IL1RAPL1: variants seen among roughly 807,000 people sequenced by gnomAD.
The protein encoded by IL1RAPL1 is interleukin 1 receptor accessory protein like 1.
A neutral mutation model predicts 48.4 loss-of-function variants in IL1RAPL1; 3 were observed. That is an observed-to-expected ratio of 0.06 (90% CI 0.03 to 0.16). IL1RAPL1 has a LOEUF of 0.16. IL1RAPL1 is among the 10% of genes least tolerant of loss of function. The pLI is 1.00. For synonymous variants in IL1RAPL1, 185 were observed against 187.7 expected (o/e 0.99, Z 0.12); for missense variants, 349 against 530.6 (o/e 0.66, Z 3.36).
At chrX:29,531,948 T>A (rs1921053886) in intron 5 of IL1RAPL1, among the ~76,000 whole-genome samples, 1 of 112,512 alleles carries the variant, frequency 8.9e-6, no homozygotes, top group Non-Finnish European at 1.9e-5. Flanking sequence ...TTTAACCTAA[T>A]GGACTATATT....
intron 2 of IL1RAPL1, among the ~76,000 whole-genome samples, chrX:29,048,984 G>A (rs1357934945): frequency 8.9e-6 from 1 of 112,425 alleles, no homozygotes; most frequent in African/African-American, 3.2e-5. Context: ...TAAGTATGGA[G>A]TGCATTCTCA....
rs1569285528 is a variant in IL1RAPL1, at chrX:29,323,709, TTTTTTATATATATATATA to T, written c.362+40494_362+40511del. The stretch of plus-strand genomic sequence containing the variant: ...GCACTACCTACCAACTCATACTGAA[TTTTTTATATATATATATA>T]TATATATATATATATATATATATAT... On this transcript the variant is annotated intron_variant, in intron 3 of 10. Transcript: ENST00000378993. Among the ~76,000 whole-genome samples the T allele has an allele frequency of 2.2e-3, 38 of 17,606 alleles. 11 individuals are homozygous for T. Among genetic ancestry groups the T allele is most frequent in the Non-Finnish European group, 2.8e-3 (29 of 10,375 alleles). 15.3% of individuals were successfully genotyped at this position (17,606 alleles called of 115,157 possible).
intron 2 of IL1RAPL1, among the ~76,000 whole-genome samples, chrX:28,870,366 G>C (rs374300232): frequency 1.2e-4 from 13 of 111,201 alleles, no homozygotes; most frequent in African/African-American, 3.9e-4. Flanking sequence ...TTTTTTAACT[G>C]TAGGCTTTAC....
At chrX:28,889,713 C>T (rs1408530253) in intron 2 of IL1RAPL1, among the ~76,000 whole-genome samples, 1 of 111,290 alleles carries the variant, frequency 9.0e-6, no homozygotes, top group East Asian at 2.8e-4. Flanking sequence ...TTTCTCCTAC[C>T]TTCCGTAATA....
intron 1 of IL1RAPL1, among the ~76,000 whole-genome samples, chrX:28,785,962 C>G (rs1259924475): frequency 4.5e-5 from 5 of 111,035 alleles, no homozygotes; most frequent in Non-Finnish European, 9.4e-5. Context: ...GCAACCATAT[C>G]CAGTCTTTCA....
At chrX:28,835,938 A>G (rs1482954) in intron 2 of IL1RAPL1, among the ~76,000 whole-genome samples, 13,775 of 110,661 alleles carry the variant, frequency 0.12, 1,471 homozygotes, top group African/African-American at 0.34. Flanking sequence ...GAATTTCCAT[A>G]ATATTTATTA....
In IL1RAPL1 at chrX:29,803,336, CAT is replaced by C. The variant is rs1282099570; in HGVS notation, c.779-114125_779-114124del. ...ATGTATATATGTATACATGTATACA[CAT>C]ATGTATATATGTATACATGTATACA... is the stretch of plus-strand genomic sequence containing the variant. On this transcript the variant is annotated intron_variant, in intron 6 of 10. Transcript: ENST00000378993. 3.7e-3 allele frequency among the ~76,000 whole-genome samples: 218 copies of C among 58,495 alleles called. 5 individuals are homozygous for C. The highest frequency in any genetic ancestry group is 0.011 in the South Asian group (13 of 1,199). 50.8% of individuals were successfully genotyped at this position (58,495 alleles called of 115,157 possible). A position where few individuals can be genotyped will look rare whatever the true frequency, so the allele number is the denominator to read the frequency against.
intron 6 of IL1RAPL1, among the ~76,000 whole-genome samples, chrX:29,806,563 G>A (rs1930260774): frequency 9.1e-6 from 1 of 109,297 alleles, no homozygotes; most frequent in South Asian, 4.0e-4. Context: ...TATTGTCATG[G>A]GTCAATCATA....
chrX:29,155,617 G>A (rs1159077914), intron 2 of IL1RAPL1, among the ~76,000 whole-genome samples: 4 of 111,584 alleles, frequency 3.6e-5, no homozygotes, highest in African/African-American at 9.8e-5. Flanking sequence ...AGAAAATTGC[G>A]GAGATTCTTA....
At chrX:29,197,792 T>C (rs1263215236) in intron 2 of IL1RAPL1, among the ~76,000 whole-genome samples, 6 of 104,473 alleles carry the variant, frequency 5.7e-5, no homozygotes, top group Non-Finnish European at 1.2e-4. Flanking sequence ...CACCGCAACC[T>C]CCGCCTCCCT....
At chrX:28,844,261 T>C (rs1302823834) in intron 2 of IL1RAPL1, among the ~76,000 whole-genome samples, 2 of 105,468 alleles carry the variant, frequency 1.9e-5, no homozygotes. Context: ...CAAATTTGAA[T>C]TTGAAATTCA....
intron 5 of IL1RAPL1, among the ~76,000 whole-genome samples, chrX:29,552,370 A>G (rs192374429): frequency 9.0e-6 from 1 of 110,868 alleles, no homozygotes; most frequent in East Asian, 2.8e-4. Flanking sequence ...GTTTTAACTT[A>G]TTTTTCAGGA....
At chrX:29,410,720 T>TA (rs900264363) in intron 5 of IL1RAPL1, among the ~76,000 whole-genome samples, 4 of 111,626 alleles carry the variant, frequency 3.6e-5, no homozygotes, top group African/African-American at 1.3e-4. Context: ...TGTTCTTTTT[T>TA]AAAAAAAGAA....
intron 5 of IL1RAPL1, among the ~76,000 whole-genome samples, chrX:29,404,974 C>T (rs189628342): frequency 1.3e-4 from 15 of 111,266 alleles, no homozygotes; most frequent in Non-Finnish European, 2.8e-4. Context: ...AGTGCAGTGG[C>T]ATGATCTCGG....
intron 2 of IL1RAPL1, among the ~76,000 whole-genome samples, chrX:29,220,931 A>T (rs560257135): frequency 6.3e-5 from 7 of 111,259 alleles, no homozygotes; most frequent in South Asian, 3.8e-4. Flanking sequence ...TTTCTTTTTA[A>T]GATGTAGTCT....
intron 8 of IL1RAPL1, among the ~76,000 whole-genome samples, chrX:29,935,002 C>T (rs1933007791): frequency 9.0e-6 from 1 of 111,419 alleles, no homozygotes; most frequent in Non-Finnish European, 1.9e-5. Flanking sequence ...TTTTCTTCGT[C>T]TTTGATAACA....
intron 5 of IL1RAPL1, among the ~76,000 whole-genome samples, chrX:29,472,708 G>A (rs1237351122): frequency 8.9e-6 from 1 of 111,801 alleles, no homozygotes; most frequent in Non-Finnish European, 1.9e-5. Flanking sequence ...GTGTGAACTT[G>A]GAGAAGTCAC....
chrX:29,157,101 T>G (rs1929585269), intron 2 of IL1RAPL1, among the ~76,000 whole-genome samples: 1 of 111,161 alleles, frequency 9.0e-6, no homozygotes, highest in Non-Finnish European at 1.9e-5. Context: ...TTTGTATATG[T>G]TGAAATAAGC....
intron 2 of IL1RAPL1, among the ~76,000 whole-genome samples, chrX:29,016,119 G>A (rs1256802393): frequency 9.0e-6 from 1 of 111,412 alleles, no homozygotes; most frequent in African/African-American, 3.3e-5. Flanking sequence ...AGATCAAAAT[G>A]GCTAATGCAT....
Sources: gnomAD v4.1 joint callset for allele counts (sites outside exome capture counted in the v4.1 genomes callset) on GRCh38, gnomAD v4.1.1 for gene constraint, MANE v1.5 for transcripts, NCBI Gene and HGNC (gene_info 2026-07-23, HGNC 2026-07-21) for gene names.